Variants in TNPO3 observed in about 807,000 individuals in gnomAD.
TNPO3 encodes transportin 3.
TNPO3 carries 65 observed loss-of-function variants against 122.8 expected under a neutral mutation model. The ratio of observed to expected loss-of-function variants is 0.53; its 90% CI spans 0.43 to 0.65. TNPO3 has a LOEUF of 0.65. Ranked by LOEUF, TNPO3 falls within the 30% of genes least tolerant of loss-of-function variation. The pLI is 0.00. For missense variants in TNPO3, 850 were observed against 1,136.7 expected (o/e 0.75, Z 3.63); for synonymous variants, 372 against 411.2 (o/e 0.90, Z 1.15).
In TNPO3 at chr7:129,048,826, A is replaced by C. The variant is rs377618330; in HGVS notation, c.120+5825T>G. Among the ~76,000 whole-genome samples the C allele has an allele frequency of 1.2e-4, 19 of 152,234 alleles. No individual in the cohort carries two copies. The East Asian group carries it at 1.5e-3, about 12-fold the overall frequency. On this transcript the variant is annotated intron_variant, in intron 1 of 22. Coordinates refer to ENST00000265388, the MANE Select transcript of TNPO3 (RefSeq NM_012470.4). ...CTGCATGTATGCACTTCTGACAATC[A>C]ACATTTTTAAGAACCTGTGTGTGAA...
At chr7:129,038,898 C>T (rs553267822) in intron 1 of TNPO3, among the ~76,000 whole-genome samples, 1 of 152,072 alleles carries the variant, frequency 6.6e-6, no homozygotes, top group Non-Finnish European at 1.5e-5. Flanking sequence ...ACCTGGGTAA[C>T]AAAATAATCT....
At chr7:129,029,273 G>A (rs1805623243) in intron 1 of TNPO3, 1 of 156,846 alleles carries the variant, frequency 6.4e-6, no homozygotes, top group African/African-American at 2.4e-5. Flanking sequence ...TGCCAATAAT[G>A]GAGTCCAGAT....
At chr7:129,017,920 C>T (rs758541268) in intron 2 of TNPO3, 37 bp downstream of exon 2, 1 of 1,590,918 alleles carries the variant, frequency 6.3e-7, no homozygotes, top group East Asian at 2.2e-5. Flanking sequence ...ATCCAAATGG[C>T]CATACAAATT....
At chr7:129,037,522 C>T (rs1301545311) in intron 1 of TNPO3, among the ~76,000 whole-genome samples, 1 of 152,114 alleles carries the variant, frequency 6.6e-6, no homozygotes, top group Non-Finnish European at 1.5e-5. Flanking sequence ...CTCGCAGACA[C>T]AAGCAGAACT....
chr7:129,003,101 T>C (rs1352851174), intron 5 of TNPO3, among the ~76,000 whole-genome samples: 1 of 145,132 alleles, frequency 6.9e-6, no homozygotes, highest in African/African-American at 2.6e-5. Flanking sequence ...CACACACCTG[T>C]AGTCCCAGCT....
chr7:128,958,580 A>G (rs1180830892), intron 21 of TNPO3, among the ~76,000 whole-genome samples: 1 of 152,210 alleles, frequency 6.6e-6, no homozygotes, highest in Non-Finnish European at 1.5e-5. Context: ...ACACCAGGGG[A>G]GGAAACTGCT....
At chr7:129,054,557 C>A (rs1249448530) in intron 1 of TNPO3, 94 bp downstream of exon 1, 3 of 1,558,398 alleles carry the variant, frequency 1.9e-6, no homozygotes, top group Non-Finnish European at 2.6e-6. Flanking sequence ...GAGGACCTCA[C>A]GAGGTCAACT....
chr7:129,021,371 G>C (rs200447664), intron 1 of TNPO3, among the ~76,000 whole-genome samples: 1 of 146,892 alleles, frequency 6.8e-6, no homozygotes, highest in African/African-American at 2.5e-5. Flanking sequence ...AAAAAAAAAA[G>C]AGAAAGAAAA....
At chr7:128,981,287 A>G (rs1433895314) in intron 14 of TNPO3, among the ~76,000 whole-genome samples, 1 of 152,224 alleles carries the variant, frequency 6.6e-6, no homozygotes, top group East Asian at 1.9e-4. Flanking sequence ...AATGATTACT[A>G]TAACATTCCA....
At chr7:128,984,485 G>A (rs1799947408) in intron 12 of TNPO3, among the ~76,000 whole-genome samples, 1 of 152,162 alleles carries the variant, frequency 6.6e-6, no homozygotes, top group African/African-American at 2.4e-5. Context: ...TACAACTGAA[G>A]TTAATATTTG....
At chr7:129,010,843 C>T (rs1803104734) in intron 4 of TNPO3, among the ~76,000 whole-genome samples, 1 of 151,918 alleles carries the variant, frequency 6.6e-6, no homozygotes, top group Non-Finnish European at 1.5e-5. Context: ...TGGTGGTTCA[C>T]GTTTGTAATC....
At chr7:128,985,666 C>T (rs1372952042) in intron 12 of TNPO3, among the ~76,000 whole-genome samples, 2 of 152,130 alleles carry the variant, frequency 1.3e-5, no homozygotes, top group African/African-American at 4.8e-5. Context: ...ATTGGGAGGC[C>T]ACATTGTACT....
chr7:128,985,634 C>T (rs1231456505), intron 12 of TNPO3, among the ~76,000 whole-genome samples: 2 of 152,160 alleles, frequency 1.3e-5, no homozygotes, highest in South Asian at 2.1e-4. Context: ...CCATTTTCTA[C>T]ATCTATTAGA....
At chr7:129,033,573 A>G (rs1806199973) in intron 1 of TNPO3, among the ~76,000 whole-genome samples, 1 of 152,146 alleles carries the variant, frequency 6.6e-6, no homozygotes, top group South Asian at 2.1e-4. Context: ...TAGAACTACC[A>G]TATATTCCAA....
intron 20 of TNPO3, 105 bp downstream of exon 20, chr7:128,970,043 T>C: frequency 4.2e-6 from 6 of 1,415,260 alleles, no homozygotes; most frequent in Non-Finnish European, 4.9e-6. Context: ...TTTGGTTCCA[T>C]GGACAGAAAA....
Position 129,016,265 on chromosome 7 carries a change from A to C in TNPO3, c.395+718T>G, listed in dbSNP as rs562012375. Among the ~76,000 whole-genome samples, 233 of 152,174 alleles carry C rather than the reference A, an allele frequency of 1.5e-3. 3 individuals carry two copies. In the Middle Eastern group the frequency reaches 0.027, roughly 18 times the overall value. Reference sequence around the variant, plus strand: ...AAAAATTAGCCAGGCGTAGTAGCACATGCCTGTAATCTCAGCCGCCTGGGA... The same window carrying C: ...AAAAATTAGCCAGGCGTAGTAGCACCTGCCTGTAATCTCAGCCGCCTGGGA... On this transcript the variant is annotated intron_variant, in intron 3 of 22. Coordinates refer to ENST00000265388, the MANE Select transcript of TNPO3 (RefSeq NM_012470.4).
chr7:129,023,509 C>G (rs1477437773), intron 1 of TNPO3, among the ~76,000 whole-genome samples: 1 of 151,842 alleles, frequency 6.6e-6, no homozygotes, highest in Non-Finnish European at 1.5e-5. Flanking sequence ...TAAAAGATAC[C>G]AATATTAAAT....
chr7:128,966,225 G>A (rs1467283623), intron 21 of TNPO3, among the ~76,000 whole-genome samples: 1 of 151,844 alleles, frequency 6.6e-6, no homozygotes, highest in Admixed American at 6.6e-5. Flanking sequence ...GTTCATCTTT[G>A]GGACTATTTA....
intron 1 of TNPO3, among the ~76,000 whole-genome samples, chr7:129,050,642 A>G (rs1447986485): frequency 6.6e-6 from 1 of 152,150 alleles, no homozygotes; most frequent in Non-Finnish European, 1.5e-5. Flanking sequence ...CAGGAGTATC[A>G]TGCTGAAAAA....
Sources: allele counts gnomAD v4.1 joint callset (sites outside exome capture counted in the v4.1 genomes callset), GRCh38; gene constraint gnomAD v4.1.1; transcripts MANE v1.5; gene names NCBI Gene and HGNC (gene_info 2026-07-23, HGNC 2026-07-21).